The following PABPC4L variants were observed in gnomAD, a reference collection of about 807,000 sequenced individuals.
PABPC4L encodes polyadenylate-binding protein 4-like.
For missense variants in PABPC4L, 452 were observed against 451.4 expected, an observed-to-expected ratio of 1.00 and a Z score of -0.01; for synonymous variants, 169 against 164.1, an observed-to-expected ratio of 1.03 and a Z score of -0.23.
At chr4:133,990,010 C>G in the PABPC4L span, among the ~76,000 whole-genome samples, 1 of 152,010 alleles carries the variant, frequency 6.6e-6, no homozygotes, top group Non-Finnish European at 1.5e-5. Flanking sequence ...ATGAGAATAT[C>G]ATAGAGATAA....
At chr4:133,968,460 T>A in the PABPC4L span, among the ~76,000 whole-genome samples, 2 of 152,164 alleles carry the variant, frequency 1.3e-5, no homozygotes, top group African/African-American at 4.8e-5. Flanking sequence ...GTCTAGGACG[T>A]CTTGGGGCTG....
At chr4:134,079,284 T>A in the PABPC4L span, among the ~76,000 whole-genome samples, 4 of 150,234 alleles carry the variant, frequency 2.7e-5, no homozygotes, top group African/African-American at 7.3e-5. Context: ...TTGTAACATT[T>A]TAAAAAAAAT....
the PABPC4L span, among the ~76,000 whole-genome samples, chr4:134,059,270 A>G: frequency 6.6e-6 from 1 of 151,834 alleles, no homozygotes; most frequent in East Asian, 1.9e-4. Flanking sequence ...TACATCTCCA[A>G]ATTATACTTA....
the PABPC4L span, among the ~76,000 whole-genome samples, chr4:134,159,994 T>C: frequency 2.0e-5 from 3 of 152,290 alleles, no homozygotes; most frequent in African/African-American, 7.2e-5. Flanking sequence ...TTTTTACTCC[T>C]GCATGGTGTT....
At chr4:133,982,184 A>G in the PABPC4L span, among the ~76,000 whole-genome samples, 1 of 152,034 alleles carries the variant, frequency 6.6e-6, no homozygotes, top group Non-Finnish European at 1.5e-5. Flanking sequence ...TTAAGATGTT[A>G]AGTAAGGTAT....
rs921082693 is a variant in PABPC4L, at chr4:134,199,801, C to T, written c.*106G>A. 3.7e-5 allele frequency: 51 copies of T among 1,365,714 alleles called. No individual in the cohort carries two copies. The highest frequency in any genetic ancestry group is 3.6e-5 in the Non-Finnish European group (37 of 1,020,454). 84.6% of individuals were successfully genotyped at this position (1,365,714 alleles called of 1,614,324 possible). A position where few individuals can be genotyped will look rare whatever the true frequency, so the allele number is the denominator to read the frequency against. The stretch of plus-strand genomic sequence containing the variant: ...TTATCATAAAGTTTACTAAACTAAG[C>T]ACCCATCATGTGGAATATGAAATTT... On this transcript the variant is annotated 3_prime_UTR_variant, in exon 2 of 2. Coordinates refer to ENST00000421491, the MANE Select transcript of PABPC4L (RefSeq NM_001114734.2).
At chr4:134,161,458 G>A in the PABPC4L span, among the ~76,000 whole-genome samples, 1 of 152,014 alleles carries the variant, frequency 6.6e-6, no homozygotes, top group South Asian at 2.1e-4. Context: ...ATATAAAGGA[G>A]TTAAAATACA....
At chr4:134,048,124 T>C in the PABPC4L span, among the ~76,000 whole-genome samples, 1 of 152,096 alleles carries the variant, frequency 6.6e-6, no homozygotes. Flanking sequence ...AGGCACTATT[T>C]TAAAAATAGT....
chr4:133,956,814 G>A, the PABPC4L span, among the ~76,000 whole-genome samples: 4 of 152,202 alleles, frequency 2.6e-5, no homozygotes, highest in Non-Finnish European at 5.9e-5. Flanking sequence ...CAGAGCAGCA[G>A]GAAGAAGTGG....
At chr4:134,039,639 G>A in the PABPC4L span, among the ~76,000 whole-genome samples, 21 of 152,092 alleles carry the variant, frequency 1.4e-4, no homozygotes, top group Admixed American at 9.8e-4. Flanking sequence ...GACTAGGATT[G>A]CAAGCCCTGC....
chr4:134,121,421 C>T, the PABPC4L span, among the ~76,000 whole-genome samples: 4 of 151,576 alleles, frequency 2.6e-5, no homozygotes, highest in African/African-American at 9.7e-5. Flanking sequence ...AGAAGAGATA[C>T]AATTTTTAAT....
the PABPC4L span, among the ~76,000 whole-genome samples, chr4:133,988,490 C>T: frequency 6.6e-6 from 1 of 152,316 alleles, no homozygotes; most frequent in South Asian, 2.1e-4. Context: ...GTCATTAAAT[C>T]TTAAAGTTCC....
At chr4:134,117,544 C>T in the PABPC4L span, among the ~76,000 whole-genome samples, 1 of 151,676 alleles carries the variant, frequency 6.6e-6, no homozygotes, top group Non-Finnish European at 1.5e-5. Context: ...TATTTCCTGA[C>T]CATAGAAACC....
At chr4:134,104,795 A>G in the PABPC4L span, among the ~76,000 whole-genome samples, 1 of 151,740 alleles carries the variant, frequency 6.6e-6, no homozygotes, top group Non-Finnish European at 1.5e-5. Context: ...CATGATTTCA[A>G]ATAAGTCAAC....
the PABPC4L span, among the ~76,000 whole-genome samples, chr4:134,052,819 A>C: frequency 6.6e-6 from 1 of 152,212 alleles, no homozygotes; most frequent in Admixed American, 6.6e-5. Flanking sequence ...AGTTTTTGGT[A>C]TTTTACAAGA....
the PABPC4L span, among the ~76,000 whole-genome samples, chr4:134,020,314 T>C: frequency 6.6e-6 from 1 of 152,134 alleles, no homozygotes; most frequent in African/African-American, 2.4e-5. Flanking sequence ...AAAAAGATCA[T>C]GGAAGATGTG....
the PABPC4L span, among the ~76,000 whole-genome samples, chr4:133,953,110 T>G: frequency 6.6e-6 from 1 of 152,156 alleles, no homozygotes; most frequent in Non-Finnish European, 1.5e-5. Context: ...CCATCAAAAT[T>G]CATAAAGGGG....
chr4:134,162,351 C>G, the PABPC4L span, among the ~76,000 whole-genome samples: 1 of 152,010 alleles, frequency 6.6e-6, no homozygotes, highest in East Asian at 1.9e-4. Flanking sequence ...CTCTGCAGCT[C>G]CCAGATCCAT....
At chr4:134,146,616 A>G in the PABPC4L span, among the ~76,000 whole-genome samples, 1 of 152,206 alleles carries the variant, frequency 6.6e-6, no homozygotes, top group Non-Finnish European at 1.5e-5. Context: ...AATAAGGTAC[A>G]TGGACACTGA....
Sources: allele counts gnomAD v4.1 joint callset (sites outside exome capture counted in the v4.1 genomes callset), GRCh38; gene constraint gnomAD v4.1.1; transcripts MANE v1.5; gene names NCBI Gene and HGNC (gene_info 2026-07-23, HGNC 2026-07-21).